Variants in INO80 observed in about 807,000 individuals in gnomAD.
INO80 encodes chromatin-remodeling ATPase INO80.
A neutral mutation model predicts 203.4 loss-of-function variants in INO80; 20 were observed. That is an observed-to-expected ratio of 0.10 (90% confidence interval 0.07 to 0.14). INO80 has a LOEUF of 0.14. Ranked by LOEUF, INO80 falls within the 10% of genes least tolerant of loss-of-function variation. The pLI is 1.00. For missense variants in INO80, 1,419 were observed against 1,914.4 expected, an observed-to-expected ratio of 0.74 and a Z score of 4.83; for synonymous variants, 726 against 685.2, an observed-to-expected ratio of 1.06 and a Z score of -0.93.
intron 27 of INO80, among the ~76,000 whole-genome samples, chr15:41,008,398 G>C (rs1318704228): frequency 6.6e-6 from 1 of 152,158 alleles, no homozygotes; most frequent in Non-Finnish European, 1.5e-5. Context: ...CATAAAAGTA[G>C]AGAGTAGAAG....
At chr15:41,084,214 C>A (rs913942832) in intron 7 of INO80, among the ~76,000 whole-genome samples, 13 of 144,308 alleles carry the variant, frequency 9.0e-5, no homozygotes, top group Non-Finnish European at 1.1e-4. Flanking sequence ...AAAAAAAAAA[C>A]GCTACATATG....
chr15:41,008,208 A>G (rs1429753755), intron 27 of INO80, among the ~76,000 whole-genome samples: 1 of 104,706 alleles, frequency 9.6e-6, no homozygotes, highest in African/African-American at 3.5e-5. Context: ...GATAAAGAAT[A>G]TGTGATATAT....
chr15:41,103,453 G>A lies in INO80; in HGVS notation c.-43-7100C>T, dbSNP rs780805606. On this transcript the variant is annotated intron_variant, in intron 1 of 35. Coordinates refer to ENST00000648947, the MANE Select transcript of INO80 (RefSeq NM_017553.3). ...CACCCAGGGTGGAGTCCAGTGGCGC[G>A]ATCTCAGCTCACTGCAACCTCCGCC... Among the ~76,000 whole-genome samples, 9 of 152,052 alleles carry A rather than the reference G, an allele frequency of 5.9e-5. No homozygotes were observed. The East Asian group carries it at 7.7e-4, about 13-fold the overall frequency.
chr15:41,034,396 T>C (rs556888428), intron 24 of INO80, among the ~76,000 whole-genome samples: 2 of 152,280 alleles, frequency 1.3e-5, no homozygotes, highest in South Asian at 4.1e-4. Context: ...TCAGGTAGTA[T>C]GTGACCTCAC....
intron 25 of INO80, chr15:41,024,453 C>G (rs968910198): frequency 6.6e-6 from 1 of 152,120 alleles, no homozygotes; most frequent in African/African-American, 2.4e-5. Flanking sequence ...TCTTCCCTCC[C>G]CACAAAAAAT....
chr15:41,091,650 C>CTTTTTT (rs746421749), intron 5 of INO80, among the ~76,000 whole-genome samples: 2 of 88,294 alleles, frequency 2.3e-5, no homozygotes, highest in East Asian at 3.1e-4. Flanking sequence ...TGATGTATCT[C>CTTTTTT]TTTTTTTTTT....
At chr15:41,114,631 C>T (rs1230451209) in intron 1 of INO80, among the ~76,000 whole-genome samples, 2 of 151,652 alleles carry the variant, frequency 1.3e-5, no homozygotes, top group African/African-American at 4.9e-5. Flanking sequence ...AGTGCTTGAA[C>T]CTGGGAGGCG....
chr15:41,052,535 T>C (rs1263427779), intron 19 of INO80, among the ~76,000 whole-genome samples: 1 of 151,648 alleles, frequency 6.6e-6, no homozygotes, highest in African/African-American at 2.4e-5. Flanking sequence ...TAGCCAGGTG[T>C]GGTGGTGTAC....
chr15:41,005,949 T>C (rs1001665191), intron 27 of INO80, among the ~76,000 whole-genome samples: 1 of 112,384 alleles, frequency 8.9e-6, no homozygotes, highest in African/African-American at 3.4e-5. Flanking sequence ...TAAATTCCTG[T>C]AGGTTTCATT....
chr15:40,984,546 G>A (rs1312797512), intron 32 of INO80, among the ~76,000 whole-genome samples, 194 bp from the exon 33 acceptor site: 1 of 151,812 alleles, frequency 6.6e-6, no homozygotes, highest in Non-Finnish European at 1.5e-5. Flanking sequence ...TTTCAGTCGA[G>A]TACTGTGGCA....
chr15:40,982,235 C>A (rs1478892645), intron 35 of INO80, among the ~76,000 whole-genome samples: 1 of 152,226 alleles, frequency 6.6e-6, no homozygotes, highest in Non-Finnish European at 1.5e-5. Context: ...AAACCTCCAC[C>A]TCCAGGGTTC....
intron 27 of INO80, among the ~76,000 whole-genome samples, chr15:41,008,704 C>T (rs2044088132): frequency 6.6e-6 from 1 of 152,200 alleles, no homozygotes; most frequent in African/African-American, 2.4e-5. Flanking sequence ...AAAGGGAAGG[C>T]AAGGCAGTTT....
Position 41,073,316 on chromosome 15 carries a change from T to A in INO80, c.1395+112A>T, listed in dbSNP as rs963109136. Reference sequence around the variant, plus strand: ...ACTCACACACATATACACAAGCTAGTCTATGCTTTTAATTGCAAATGTGAT... The same window carrying A: ...ACTCACACACATATACACAAGCTAGACTATGCTTTTAATTGCAAATGTGAT... On this transcript the variant is annotated intron_variant, in intron 11 of 35. Coordinates refer to ENST00000648947, the MANE Select transcript of INO80 (RefSeq NM_017553.3). The A allele has an allele frequency of 3.3e-6, 3 of 895,524 alleles. No individual in the cohort carries two copies. The African/African-American group carries it at 4.9e-5, about 15-fold the overall frequency. 55.5% of individuals were successfully genotyped at this position (895,524 alleles called of 1,614,324 possible). A position where few individuals can be genotyped will look rare whatever the true frequency, so the allele number is the denominator to read the frequency against.
In INO80 at chr15:41,037,769, C is replaced by T. The variant is rs1359566699; in HGVS notation, c.2907+7135G>A. ...ACCAGCCTGGCCCACATGGCGAAAC[C>T]CCACCTCTACTAAAAATACAAAAAT... On this transcript the variant is annotated intron_variant, in intron 24 of 35. Coordinates refer to ENST00000648947, the MANE Select transcript of INO80 (RefSeq NM_017553.3). Among the ~76,000 whole-genome samples, 3 of 151,768 alleles carry T rather than the reference C, an allele frequency of 2.0e-5. No individual in the cohort carries two copies. In the East Asian group the frequency reaches 6.0e-4, roughly 30 times the overall value.
At chr15:41,004,270 A>G (rs192720592) in intron 28 of INO80, among the ~76,000 whole-genome samples, 1 of 149,052 alleles carries the variant, frequency 6.7e-6, no homozygotes, top group East Asian at 2.0e-4. Flanking sequence ...TGTAGTTTTA[A>G]CTTAGGAAAA....
chr15:40,987,210 CA>C lies in INO80; in HGVS notation c.3730-18del. 1 of 1,451,484 alleles carries C rather than the reference CA, an allele frequency of 6.9e-7. No homozygotes were observed. Among genetic ancestry groups the C allele is most frequent in the Non-Finnish European group, 9.7e-7 (1 of 1,031,884 alleles). The allele number at this position is 1,451,484 out of a possible 1,614,324, so 89.9% of individuals were successfully genotyped here. On this transcript the variant is annotated intron_variant, in intron 30 of 35. Coordinates refer to ENST00000648947, the MANE Select transcript of INO80 (RefSeq NM_017553.3). ...CCGCTGAATCTACACCAAAGCAGAT[CA>C]AAATGTCACCTCCAGGCATCCATTC...
rs144699261 is a variant in INO80 at position 41,113,123 on chromosome 15, C to T, written c.-44+2850G>A. On this transcript the variant is annotated intron_variant, in intron 1 of 35. Coordinates refer to ENST00000648947, the MANE Select transcript of INO80 (RefSeq NM_017553.3). Reference sequence around the variant, plus strand: ...TAGAGACAGGGTTTTGCCATGTTGCCCATGCTGATTTCAAACTCCTGAGCT... The same window carrying T: ...TAGAGACAGGGTTTTGCCATGTTGCTCATGCTGATTTCAAACTCCTGAGCT... Among the ~76,000 whole-genome samples the T allele has an allele frequency of 2.6e-3, 388 of 152,108 alleles. 3 individuals are homozygous for T. Among genetic ancestry groups the T allele is most frequent in the African/African-American group, 9.1e-3 (376 of 41,500 alleles).
intron 9 of INO80, among the ~76,000 whole-genome samples, chr15:41,077,553 T>C (rs1312544548): frequency 6.6e-6 from 1 of 152,158 alleles, no homozygotes; most frequent in Non-Finnish European, 1.5e-5. Context: ...TAAAGTGCTA[T>C]CAAGAAAATC....
intron 9 of INO80, among the ~76,000 whole-genome samples, chr15:41,076,818 AAAC>A (rs570808390): frequency 4.6e-5 from 7 of 152,334 alleles, no homozygotes; most frequent in Admixed American, 4.6e-4. Flanking sequence ...TTCCTAAGAT[AAAC>A]AATAAAATGA....
Sources: gnomAD v4.1 joint callset for allele counts (sites outside exome capture counted in the v4.1 genomes callset) on GRCh38, gnomAD v4.1.1 for gene constraint, MANE v1.5 for transcripts, NCBI Gene and HGNC (gene_info 2026-07-23, HGNC 2026-07-21) for gene names.